The following GRIK2 variants were observed in gnomAD, a reference collection of about 807,000 sequenced individuals.
GRIK2 encodes the protein glutamate ionotropic receptor kainate type subunit 2.
GRIK2 carries 32 observed loss-of-function variants against 100.3 expected under a neutral mutation model. That is an observed-to-expected ratio of 0.32 (90% CI 0.24 to 0.43). GRIK2 has a LOEUF of 0.43. GRIK2 is among the 20% of genes least tolerant of loss of function. The pLI, the probability that GRIK2 is intolerant of heterozygous loss-of-function variation, is 1.00. For synonymous variants in GRIK2, 417 were observed against 389.4 expected (o/e 1.07, Z -0.83); for missense variants, 843 against 1,114.9 (o/e 0.76, Z 3.47).
At chr6:101,583,622 C>T (rs1040215892) in intron 2 of GRIK2, among the ~76,000 whole-genome samples, 20 of 152,056 alleles carry the variant, frequency 1.3e-4, no homozygotes, top group Admixed American at 1.2e-3. Context: ...TGAAAAAAAC[C>T]TATGATTTTT....
chr6:101,599,431 C>T (rs993063731), intron 2 of GRIK2, among the ~76,000 whole-genome samples: 6 of 151,642 alleles, frequency 4.0e-5, no homozygotes, highest in African/African-American at 1.5e-4. Flanking sequence ...TAGATATATA[C>T]CCAGTAATAG....
At position 101,626,470 on chromosome 6, in the gene GRIK2, T is replaced by G. The variant is rs558022468; in HGVS notation, c.374T>G (p.Leu125Arg). 6.2e-7 allele frequency: 1 copy of G among 1,614,008 alleles called. No individual in the cohort carries two copies. The highest frequency in any genetic ancestry group is 1.7e-5 in the Admixed American group (1 of 59,994). The change falls in exon 4 of 17, where the codon CTG becomes CGG. Residue 125 changes from leucine to arginine, a missense_variant. This residue lies in a region of GRIK2 where 519 missense variants were observed against 643.8 expected (regional missense o/e 0.81). Transcript: ENST00000369134. ...GCAGTGCAGTCCATCTGCAATGCTC[T>G]GGGAGTTCCCCACATACAGACCCGC... ...ANAVQSICNALGVPHIQTRWK... is the reference protein window; with the variant it reads ...ANAVQSICNARGVPHIQTRWK...
At chr6:102,003,055 G>T (rs1795032626) in intron 14 of GRIK2, among the ~76,000 whole-genome samples, 1 of 151,046 alleles carries the variant, frequency 6.6e-6, no homozygotes. Flanking sequence ...TCTTCTGATT[G>T]TATCTCTTAT....
At chr6:101,579,440 C>CT (rs1033725245) in intron 2 of GRIK2, among the ~76,000 whole-genome samples, 23 of 151,710 alleles carry the variant, frequency 1.5e-4, no homozygotes, top group East Asian at 1.2e-3. Context: ...TCTTTTATTT[C>CT]TTTTTTTTCT....
chr6:101,746,352 G>C (rs1466699797), intron 7 of GRIK2, among the ~76,000 whole-genome samples: 2 of 152,102 alleles, frequency 1.3e-5, no homozygotes, highest in Non-Finnish European at 2.9e-5. Flanking sequence ...TATTGAGACA[G>C]AGTCTTACTT....
intron 6 of GRIK2, among the ~76,000 whole-genome samples, chr6:101,684,527 C>T (rs1771531669): frequency 6.6e-6 from 1 of 152,060 alleles, no homozygotes; most frequent in African/African-American, 2.4e-5. Context: ...CAATCATCAG[C>T]CCGGTCTTTC....
In GRIK2 at chr6:101,622,117, G is replaced by T; in HGVS notation, c.283+1G>T. 6.5e-7 allele frequency: 1 copy of T among 1,538,934 alleles called. No homozygotes were observed. The highest frequency in any genetic ancestry group is 2.3e-5 in the East Asian group (1 of 44,286). ...GATAGTTTTGAAGCATCCAAGAAAG[G>T]TAATTGATAGATTTTTAACATCTTT... On this transcript the variant is annotated splice_donor_variant, in intron 3 of 16. Coordinates refer to ENST00000369134, the MANE Select transcript of GRIK2 (RefSeq NM_021956.5). LOFTEE classifies it high-confidence loss of function.
In GRIK2 at chr6:101,581,001, A is replaced by G. The variant is rs529917033; in HGVS notation, c.116-40948A>G. ...CAATAATTACCCTCTCTCATCCTCTATATTTTACTTATTTTTCCCCTGATA... is the reference window on the plus strand; with the variant it reads ...CAATAATTACCCTCTCTCATCCTCTGTATTTTACTTATTTTTCCCCTGATA... On this transcript the variant is annotated intron_variant, in intron 2 of 16. Coordinates refer to ENST00000369134, the MANE Select transcript of GRIK2 (RefSeq NM_021956.5). Among the ~76,000 whole-genome samples, 19 of 151,876 alleles carry G rather than the reference A, an allele frequency of 1.3e-4. No homozygotes were observed. In the South Asian group the frequency reaches 4.0e-3, roughly 32 times the overall value.
intron 14 of GRIK2, among the ~76,000 whole-genome samples, chr6:102,002,319 C>G (rs1398067152): frequency 6.9e-6 from 1 of 145,136 alleles, no homozygotes; most frequent in Admixed American, 7.0e-5. Flanking sequence ...TATATACATA[C>G]TATATATATT....
chr6:101,811,873 GATAA>G (rs1227421088), intron 9 of GRIK2, among the ~76,000 whole-genome samples: 7 of 151,404 alleles, frequency 4.6e-5, no homozygotes, highest in South Asian at 2.1e-4. Flanking sequence ...TAATTAATAA[GATAA>G]ATAATTTAAA....
chr6:101,907,200 A>G (rs1788291565), intron 12 of GRIK2, among the ~76,000 whole-genome samples: 1 of 151,724 alleles, frequency 6.6e-6, no homozygotes, highest in African/African-American at 2.4e-5. Context: ...TTTCTAATAC[A>G]AAGTCTTAAG....
intron 2 of GRIK2, among the ~76,000 whole-genome samples, chr6:101,572,790 T>TTTG (rs541014397): frequency 2.7e-5 from 4 of 148,592 alleles, no homozygotes; most frequent in Non-Finnish European, 5.9e-5. Context: ...TTTAAGGTGT[T>TTTG]TTGTTGTTGT....
At chr6:101,466,571 C>T (rs986309010) in intron 2 of GRIK2, among the ~76,000 whole-genome samples, 3 of 150,286 alleles carry the variant, frequency 2.0e-5, no homozygotes, top group Non-Finnish European at 3.0e-5. Flanking sequence ...AAAGCTGGCA[C>T]TCTTTAAAAG....
intron 2 of GRIK2, among the ~76,000 whole-genome samples, chr6:101,520,849 A>AG (rs1774848353): frequency 6.6e-6 from 1 of 152,148 alleles, no homozygotes; most frequent in African/African-American, 2.4e-5. Context: ...GCGGTCTCAG[A>AG]GAAAAAAGTC....
chr6:102,009,055 A>T, intron 14 of GRIK2, among the ~76,000 whole-genome samples: 1 of 152,228 alleles, frequency 6.6e-6, no homozygotes, highest in Non-Finnish European at 1.5e-5. Context: ...ATAAATTTGT[A>T]CAACCAGTTA....
At chr6:101,665,420 T>C (rs1214019135) in intron 4 of GRIK2, among the ~76,000 whole-genome samples, 1 of 152,202 alleles carries the variant, frequency 6.6e-6, no homozygotes, top group Non-Finnish European at 1.5e-5. Flanking sequence ...GCCACTGTCA[T>C]AGTGTATGTC....
chr6:101,951,090 A>G (rs1791578085), intron 14 of GRIK2, among the ~76,000 whole-genome samples: 1 of 152,206 alleles, frequency 6.6e-6, no homozygotes, highest in South Asian at 2.1e-4. Flanking sequence ...CCATATTAAT[A>G]TATTTTACTG....
In GRIK2 at chr6:102,006,390, A is replaced by ATATATTTTT. The variant is rs1315524835; in HGVS notation, c.2086-28950_2086-28949insATATTTTTT. ...CTTTTATATATATATATATATATATATTTTTTTTTTTTTTGAGACATACAG... is the reference window on the plus strand; with the variant it reads ...CTTTTATATATATATATATATATATATATATTTTTTTTTTTTTTTTTTTGAGACATACAG... On this transcript the variant is annotated intron_variant, in intron 14 of 16. Transcript: ENST00000369134. 5.8e-3 allele frequency among the ~76,000 whole-genome samples: 658 copies of ATATATTTTT among 114,066 alleles called. 22 individuals are homozygous for ATATATTTTT. Among genetic ancestry groups the ATATATTTTT allele is most frequent in the African/African-American group, 0.028 (619 of 21,882 alleles). 74.8% of individuals were successfully genotyped at this position (114,066 alleles called of 152,430 possible). A position where few individuals can be genotyped will look rare whatever the true frequency, so the allele number is the denominator to read the frequency against.
chr6:101,723,748 A>G (rs1222966), intron 7 of GRIK2, among the ~76,000 whole-genome samples: 14,885 of 152,008 alleles, frequency 0.098, 1,464 homozygotes, highest in African/African-American at 0.25. Context: ...AAGACTAAAT[A>G]GATACACATT....
Sources: gnomAD v4.1 joint callset for allele counts (sites outside exome capture counted in the v4.1 genomes callset) on GRCh38, gnomAD v4.1.1 for gene constraint, gnomAD v4.1.1 regional missense constraint, MANE v1.5 for transcripts, NCBI Gene and HGNC (gene_info 2026-07-23, HGNC 2026-07-21) for gene names.